Variants in MTA3 observed in about 807,000 individuals in gnomAD.
The protein encoded by MTA3 is metastasis-associated protein MTA3.
In MTA3, 34 loss-of-function variants were observed where a neutral mutation model predicts 83.5. The observed-to-expected ratio is 0.41, with a 90% CI of 0.31 to 0.54. The LOEUF is 0.54. MTA3 is among the 20% of genes least tolerant of loss of function. MTA3 has a pLI of 0.33. For missense variants in MTA3, 761 were observed against 726.4 expected (o/e 1.05, Z -0.55); for synonymous variants, 303 against 252.7 (o/e 1.20, Z -1.89).
intron 7 of MTA3, among the ~76,000 whole-genome samples, chr2:42,658,066 T>C: frequency 1.2e-5 from 1 of 84,292 alleles, no homozygotes; most frequent in Non-Finnish European, 2.0e-5. Flanking sequence ...AGGAAGACTC[T>C]GTCTCAAAAA....
At chr2:42,508,535 G>A (rs997712290) in intron 2 of MTA3, among the ~76,000 whole-genome samples, 1 of 151,208 alleles carries the variant, frequency 6.6e-6, no homozygotes, top group Non-Finnish European at 1.5e-5. Flanking sequence ...GTCTCACTAT[G>A]TTACCCAGGC....
At chr2:42,656,814 T>G (rs1689211605) in intron 7 of MTA3, among the ~76,000 whole-genome samples, 1 of 152,176 alleles carries the variant, frequency 6.6e-6, no homozygotes, top group Non-Finnish European at 1.5e-5. Flanking sequence ...TATTTTTATT[T>G]AAAAAATGAT....
At chr2:42,752,894 T>G (rs1669988450) in intron 16 of MTA3, among the ~76,000 whole-genome samples, 1 of 151,864 alleles carries the variant, frequency 6.6e-6, no homozygotes, top group Non-Finnish European at 1.5e-5. Flanking sequence ...AATTAAACTT[T>G]CCCTTTGATC....
At chr2:42,672,263 G>C (rs554707616) in intron 8 of MTA3, among the ~76,000 whole-genome samples, 12 of 151,800 alleles carry the variant, frequency 7.9e-5, no homozygotes, top group African/African-American at 2.9e-4. Flanking sequence ...ATGGGAGGCT[G>C]AGGTGGGAAG....
intron 2 of MTA3, among the ~76,000 whole-genome samples, chr2:42,573,758 G>A (rs563815259): frequency 6.6e-6 from 1 of 152,044 alleles, no homozygotes; most frequent in South Asian, 2.1e-4. Context: ...TGATCCACCC[G>A]CCTTGGCCTC....
At chr2:42,602,225 C>T (rs539310235) in intron 3 of MTA3, among the ~76,000 whole-genome samples, 1 of 152,262 alleles carries the variant, frequency 6.6e-6, no homozygotes, top group African/African-American at 2.4e-5. Context: ...TGTCCACCTG[C>T]CTCGGCCTCC....
At chr2:42,602,785 C>G (rs1418097221) in intron 3 of MTA3, among the ~76,000 whole-genome samples, 1 of 152,014 alleles carries the variant, frequency 6.6e-6, no homozygotes, top group East Asian at 1.9e-4. Context: ...CAGACCAAGC[C>G]CAAGTACAGA....
intron 2 of MTA3, among the ~76,000 whole-genome samples, chr2:42,552,713 A>C (rs148662914): frequency 0.014 from 2,087 of 152,088 alleles, 49 homozygotes; most frequent in African/African-American, 0.047. Context: ...GCATTTTGTG[A>C]GGCCGAGGTG....
At chr2:42,713,608 G>A (rs1666800548) in intron 14 of MTA3, among the ~76,000 whole-genome samples, 3 of 98,026 alleles carry the variant, frequency 3.1e-5, no homozygotes, top group Non-Finnish European at 5.7e-5. Context: ...CATTATCATC[G>A]TTGCCTTAAG....
chr2:42,574,478 C>G (rs1323296724), intron 2 of MTA3, among the ~76,000 whole-genome samples: 1 of 151,316 alleles, frequency 6.6e-6, no homozygotes, highest in South Asian at 2.1e-4. Context: ...AGTTGTCACC[C>G]AGGCTGGAGT....
intron 4 of MTA3, among the ~76,000 whole-genome samples, chr2:42,618,408 T>C (rs1304662436): frequency 6.6e-6 from 1 of 152,248 alleles, no homozygotes; most frequent in Non-Finnish European, 1.5e-5. Context: ...TAATGTATTA[T>C]GAATATGTTC....
At chr2:42,646,153 T>A (rs1270282029) in intron 6 of MTA3, among the ~76,000 whole-genome samples, 1 of 152,216 alleles carries the variant, frequency 6.6e-6, no homozygotes, top group Non-Finnish European at 1.5e-5. Context: ...TATTTTAAGC[T>A]CACTGTTGAG....
Position 42,507,003 on chromosome 2 carries a change from A to G in MTA3, c.-141+11749A>G, listed in dbSNP as rs78089046. ...CTGTTACCTCGAACTCCTAGGCTCA[A>G]GTGGCTTCTTCTCTCTTCAGCCTCC... On this transcript the variant is annotated intron_variant, in intron 2 of 17. Coordinates refer to the MTA3 transcript ENST00000405592. Among the ~76,000 whole-genome samples the G allele has an allele frequency of 2.8e-4, 42 of 152,278 alleles. 1 individual carries two copies. In the East Asian group the frequency reaches 7.7e-3, roughly 28 times the overall value.
At chr2:42,690,708 C>G (rs892893802) in intron 9 of MTA3, among the ~76,000 whole-genome samples, 3 of 138,732 alleles carry the variant, frequency 2.2e-5, no homozygotes, top group Non-Finnish European at 4.6e-5. Context: ...GAGACAGAGT[C>G]TCTATCACCA....
At chr2:42,522,808 T>C (rs1479330495) in intron 2 of MTA3, among the ~76,000 whole-genome samples, 1 of 141,976 alleles carries the variant, frequency 7.0e-6, no homozygotes, top group Non-Finnish European at 1.6e-5. Flanking sequence ...CATGTGGTCT[T>C]TTTTTTTTTT....
intron 6 of MTA3, among the ~76,000 whole-genome samples, chr2:42,651,871 A>C (rs1688749167): frequency 6.6e-6 from 1 of 151,786 alleles, no homozygotes; most frequent in South Asian, 2.1e-4. Context: ...AGTTGGGTGG[A>C]TCGCCTGAGG....
upstream of MTA3, among the ~76,000 whole-genome samples, chr2:42,566,326 T>C (rs181297791): frequency 2.6e-5 from 4 of 152,318 alleles, no homozygotes; most frequent in Admixed American, 1.3e-4. Context: ...TTAGGACATA[T>C]AAAAGTTTCA....
At chr2:42,621,438 C>A (rs1015192446) in intron 4 of MTA3, among the ~76,000 whole-genome samples, 4 of 152,128 alleles carry the variant, frequency 2.6e-5, no homozygotes, top group Non-Finnish European at 5.9e-5. Flanking sequence ...CAGAGAGCAC[C>A]GGGTTGGGAG....
intron 3 of MTA3, among the ~76,000 whole-genome samples, chr2:42,585,564 T>TC (rs1374238806): frequency 1.6e-4 from 24 of 146,592 alleles, no homozygotes; most frequent in African/African-American, 6.1e-4. Context: ...AACCTCCGCC[T>TC]CGTGGGTTCA....
Sources: gnomAD v4.1 joint callset for allele counts (sites outside exome capture counted in the v4.1 genomes callset) on GRCh38, gnomAD v4.1.1 for gene constraint, MANE v1.5 for transcripts, NCBI Gene and HGNC (gene_info 2026-07-23, HGNC 2026-07-21) for gene names.